The following MYH10 variants were observed in gnomAD, a reference collection of about 807,000 sequenced individuals.
MYH10 encodes the protein myosin-10.
A neutral mutation model predicts 257.8 loss-of-function variants in MYH10; 55 were observed. The ratio of observed to expected loss-of-function variants is 0.21; its 90% confidence interval spans 0.17 to 0.27. MYH10 has a LOEUF of 0.27. Ranked by LOEUF, MYH10 falls within the 10% of genes least tolerant of loss-of-function variation. MYH10 has a pLI of 1.00. For synonymous variants in MYH10, 854 were observed against 921.7 expected (o/e 0.93, Z 1.33); for missense variants, 1,631 against 2,500.6 (o/e 0.65, Z 7.42).
chr17:8,560,832 G>T (rs2082966659), intron 7 of MYH10: 2 of 576,606 alleles, frequency 3.5e-6, no homozygotes, highest in African/African-American at 3.7e-5. Context: ...AGACTGAGTG[G>T]CTGGATGGCA....
At chr17:8,618,026 A>C (rs2152100874) in intron 2 of MYH10, among the ~76,000 whole-genome samples, 1 of 152,344 alleles carries the variant, frequency 6.6e-6, no homozygotes, top group East Asian at 1.9e-4. Context: ...ATATTCTTGC[A>C]AAACTTTTAT....
chr17:8,512,917 A>G (rs937602134), intron 23 of MYH10, among the ~76,000 whole-genome samples: 6 of 152,226 alleles, frequency 3.9e-5, no homozygotes, highest in African/African-American at 1.4e-4. Flanking sequence ...GGTAATTTAC[A>G]AGGGACAGAT....
In MYH10 at chr17:8,542,215, G is replaced by A; in HGVS notation, c.1497C>T (p.His499=). ...TNEKLQQLFN[H]TMFILEQEEY... is the part of the protein sequence containing the mutation. ...CCTCTTGTTCTAGGATAAACATGGT[G>A]TGGTTGAACAGCTGCTGCAGCTTCT... is the stretch of plus-strand genomic sequence containing the variant. The change falls in exon 14 of 43, where the codon CAC becomes CAT. Residue 499 remains histidine (H), a synonymous_variant. Transcript: ENST00000360416. 6.2e-7 allele frequency: 1 copy of A among 1,614,190 alleles called. No homozygotes were observed. Among genetic ancestry groups the A allele is most frequent in the Non-Finnish European group, 8.5e-7 (1 of 1,180,022 alleles).
intron 3 of MYH10, among the ~76,000 whole-genome samples, chr17:8,597,448 T>C (rs1482421247): frequency 6.6e-6 from 1 of 151,886 alleles, no homozygotes; most frequent in Non-Finnish European, 1.5e-5. Flanking sequence ...AAGAAATTCC[T>C]AAAGAGGGAA....
chr17:8,605,772 A>C (rs1255803365), intron 2 of MYH10, among the ~76,000 whole-genome samples: 1 of 151,868 alleles, frequency 6.6e-6, no homozygotes, highest in East Asian at 1.9e-4. Flanking sequence ...AACAAACAAA[A>C]GAAAAACCAC....
chr17:8,504,581 C>T lies in MYH10; in HGVS notation c.3599+113G>A, dbSNP rs2081013972. 1.1e-6 allele frequency: 1 copy of T among 903,138 alleles called. No homozygotes were observed. Among genetic ancestry groups the T allele is most frequent in the Non-Finnish European group, 1.7e-6 (1 of 586,918 alleles). The allele number at this position is 903,138 out of a possible 1,614,324, so 55.9% of individuals were successfully genotyped here. A position where few individuals can be genotyped will look rare whatever the true frequency, so the allele number is the denominator to read the frequency against. ...ATTTAATCACCGTTCCACCTGCCAT[C>T]ACAAGGAAAAGCACACCACCTCCCA... On this transcript the variant is annotated intron_variant, in intron 28 of 42. Transcript: ENST00000360416. The surrounding 1 kb of genome is among the most constrained non-coding windows in gnomAD (Gnocchi z 5.6).
chr17:8,524,012 C>T (rs1390078844), intron 17 of MYH10, among the ~76,000 whole-genome samples: 2 of 152,066 alleles, frequency 1.3e-5, no homozygotes, highest in Non-Finnish European at 2.9e-5. Flanking sequence ...AGGAAAATTC[C>T]AGTCTGCTGC....
Position 8,497,326 on chromosome 17 carries a change from T to C in MYH10, c.3951+1944A>G, listed in dbSNP as rs144993931. 7.7e-3 allele frequency among the ~76,000 whole-genome samples: 1,174 copies of C among 151,712 alleles called. 18 individuals carry two copies. Among genetic ancestry groups the C allele is most frequent in the African/African-American group, 0.026 (1,067 of 41,222 alleles). Reference sequence around the variant, plus strand: ...TTCTTACCAATAAGGACTCATCGACTATATTGTTTTTGCTGGTTGCATAGA... The same window carrying C: ...TTCTTACCAATAAGGACTCATCGACCATATTGTTTTTGCTGGTTGCATAGA... On this transcript the variant is annotated intron_variant, in intron 30 of 42. Transcript: ENST00000360416.
chr17:8,507,360 G>A (rs1268097717), intron 26 of MYH10, among the ~76,000 whole-genome samples: 5 of 152,200 alleles, frequency 3.3e-5, no homozygotes, highest in Non-Finnish European at 5.9e-5. Flanking sequence ...GCCTGCAGGC[G>A]CCTGCACAGA....
intron 6 of MYH10, among the ~76,000 whole-genome samples, chr17:8,570,600 T>A (rs1348366335): frequency 6.6e-6 from 1 of 152,204 alleles, no homozygotes; most frequent in Non-Finnish European, 1.5e-5. Flanking sequence ...GAATTATATT[T>A]TATGACTTAA....
chr17:8,501,259 C>T (rs56303986), intron 28 of MYH10, among the ~76,000 whole-genome samples: 33,560 of 151,838 alleles, frequency 0.22, 4,338 homozygotes, highest in Non-Finnish European at 0.29. Context: ...CGCCACTGCA[C>T]GCCAGCCTGG....
chr17:8,503,470 T>A (rs2080975574), intron 28 of MYH10, among the ~76,000 whole-genome samples: 1 of 151,890 alleles, frequency 6.6e-6, no homozygotes, highest in South Asian at 2.1e-4. Flanking sequence ...ATTCCAAGGC[T>A]CACCCCTCTG....
In MYH10 at chr17:8,604,900, C is replaced by T. The variant is rs1415240612; in HGVS notation, c.428G>A (p.Arg143Lys). ...IYSENIIEMYRGKKRHEMPPH... is the reference protein window; with the variant it reads ...IYSENIIEMYKGKKRHEMPPH... ...AGGCATCTCATGACGCTTCTTCCCTCTGTACATTTCAATAATATTCTCAGA... is the reference window on the plus strand; with the variant it reads ...AGGCATCTCATGACGCTTCTTCCCTTTGTACATTTCAATAATATTCTCAGA... Residue 143 changes from arginine to lysine, a missense_variant, in exon 3 of 43, where the codon AGA becomes AAA. Transcript: ENST00000360416. 6.2e-7 allele frequency: 1 copy of T among 1,602,796 alleles called. No homozygotes were observed.
intron 2 of MYH10, among the ~76,000 whole-genome samples, chr17:8,614,307 CTTTTT>C (rs35801623): frequency 9.1e-5 from 7 of 77,120 alleles, no homozygotes; most frequent in African/African-American, 2.2e-4. Context: ...CAATTCACTT[CTTTTT>C]TTTTTTTTTT....
chr17:8,480,058 C>G, intron 40 of MYH10, 52 bp downstream of exon 40: 1 of 1,587,636 alleles, frequency 6.3e-7, no homozygotes, highest in Non-Finnish European at 8.6e-7. Flanking sequence ...TGTTTTGTCT[C>G]TGACTGAGCC....
At chr17:8,558,007 A>G (rs182279202) in intron 7 of MYH10, among the ~76,000 whole-genome samples, 12 of 152,316 alleles carry the variant, frequency 7.9e-5, no homozygotes, top group Non-Finnish European at 1.6e-4. Context: ...CATCATTATG[A>G]GGCTGCTTGA....
intron 3 of MYH10, among the ~76,000 whole-genome samples, chr17:8,604,123 G>T (rs2084709189): frequency 6.6e-6 from 1 of 152,110 alleles, no homozygotes; most frequent in South Asian, 2.1e-4. Flanking sequence ...AAAACTTATA[G>T]AATTTAGTAA....
In MYH10 at chr17:8,565,639, C is replaced by T. The variant is rs147956230; in HGVS notation, c.756+4081G>A. On this transcript the variant is annotated intron_variant, in intron 7 of 42. Coordinates refer to ENST00000360416, the MANE Select transcript of MYH10 (RefSeq NM_001256012.3). ...TAAAAAATCTTTTTTCTACTAAAAA[C>T]AAATCAGCTTTTACTATATTAGAAT... Among the ~76,000 whole-genome samples, 722 of 152,258 alleles carry T rather than the reference C, an allele frequency of 4.7e-3. 4 individuals carry two copies. The highest frequency in any genetic ancestry group is 0.016 in the African/African-American group (671 of 41,562).
chr17:8,548,634 T>A lies in MYH10; in HGVS notation c.1063+10A>T, dbSNP rs2082521813. On this transcript the variant is annotated intron_variant, in intron 10 of 42. Transcript: ENST00000360416. ...AGTGAGTACCAGAATCTTAGAGAAA[T>A]CACACATACACAGAATCTCTTCATG... is the stretch of plus-strand genomic sequence containing the variant. The A allele has an allele frequency of 6.2e-7, 1 of 1,612,832 alleles. No homozygotes were observed. Among genetic ancestry groups the A allele is most frequent in the African/African-American group, 1.3e-5 (1 of 74,832 alleles).
Sources: gnomAD v4.1 joint callset for allele counts (sites outside exome capture counted in the v4.1 genomes callset) on GRCh38, gnomAD v4.1.1 for gene constraint, Gnocchi (gnomAD v3.1) non-coding constraint, MANE v1.5 for transcripts, NCBI Gene and HGNC (gene_info 2026-07-23, HGNC 2026-07-21) for gene names.